The following ARHGAP15 variants were observed in gnomAD, a reference collection of about 807,000 sequenced individuals.
ARHGAP15 encodes rho GTPase-activating protein 15.
A neutral mutation model predicts 63.7 loss-of-function variants in ARHGAP15; 51 were observed. The ratio of observed to expected loss-of-function variants is 0.80; its 90% CI spans 0.64 to 1.01. The LOEUF (loss-of-function observed/expected upper bound fraction) is 1.01, where lower values mean the gene tolerates loss of function less well. ARHGAP15 is among the 50% of genes least tolerant of loss of function. The pLI, the probability that ARHGAP15 is intolerant of heterozygous loss-of-function variation, is 0.00. For missense variants in ARHGAP15, 560 were observed against 564.6 expected, an observed-to-expected ratio of 0.99 and a Z score of 0.08; for synonymous variants, 191 against 193.8, an observed-to-expected ratio of 0.99 and a Z score of 0.12.
At chr2:143,674,034 T>C (rs1682702909) in intron 12 of ARHGAP15, among the ~76,000 whole-genome samples, 1 of 151,878 alleles carries the variant, frequency 6.6e-6, no homozygotes, top group South Asian at 2.1e-4. Context: ...CTGGAACTCT[T>C]GTACATTGCT....
intron 6 of ARHGAP15, among the ~76,000 whole-genome samples, chr2:143,421,038 C>A (rs139679839): frequency 1.9e-3 from 296 of 152,338 alleles, no homozygotes; most frequent in African/African-American, 6.8e-3. Flanking sequence ...CCATCTCTGT[C>A]TCTGATAGTT....
intron 1 of ARHGAP15, among the ~76,000 whole-genome samples, chr2:143,135,938 T>C (rs1033580859): frequency 1.3e-5 from 2 of 152,188 alleles, no homozygotes; most frequent in African/African-American, 4.8e-5. Flanking sequence ...TCTTTTCTCT[T>C]AGCAGTAAAA....
At position 143,356,060 on chromosome 2, in the gene ARHGAP15, A is replaced by AAGAG. The variant is rs199746890; in HGVS notation, c.475-79529_475-79526dup. Among the ~76,000 whole-genome samples the AAGAG allele has an allele frequency of 2.0e-5, 3 of 151,750 alleles. 1 individual carries two copies. In the South Asian group the frequency reaches 6.2e-4, roughly 31 times the overall value. On this transcript the variant is annotated intron_variant, in intron 6 of 13. Transcript: ENST00000295095. ...TGCATCTTCATCTTATTAAAAAAAA[A>AAGAG]AGAGAGAGAGAGAGAAAGAAAGAAA...
intron 9 of ARHGAP15, among the ~76,000 whole-genome samples, chr2:143,515,038 A>T (rs1377112229): frequency 1.3e-5 from 2 of 152,158 alleles, no homozygotes; most frequent in Admixed American, 6.5e-5. Context: ...GAATGTATAC[A>T]TCTAATTCAG....
chr2:143,370,230 C>CA (rs1440617549), intron 6 of ARHGAP15, among the ~76,000 whole-genome samples: 4 of 151,826 alleles, frequency 2.6e-5, no homozygotes, highest in Admixed American at 1.3e-4. Flanking sequence ...TAACAAAACT[C>CA]AAAAAACAGT....
At chr2:143,454,257 C>A (rs1253645830) in intron 8 of ARHGAP15, among the ~76,000 whole-genome samples, 1 of 151,904 alleles carries the variant, frequency 6.6e-6, no homozygotes, top group Admixed American at 6.6e-5. Context: ...TTTTTCTACT[C>A]CATCTTTCAC....
At chr2:143,366,422 T>G (rs1686295015) in intron 6 of ARHGAP15, among the ~76,000 whole-genome samples, 1 of 152,060 alleles carries the variant, frequency 6.6e-6, no homozygotes, top group Admixed American at 6.6e-5. Context: ...GTTAACAAAT[T>G]TATATCAAAC....
intron 6 of ARHGAP15, among the ~76,000 whole-genome samples, chr2:143,385,432 T>C (rs998489350): frequency 5.9e-5 from 9 of 152,142 alleles, no homozygotes; most frequent in African/African-American, 1.7e-4. Flanking sequence ...GCTAAACTTA[T>C]AAGTGAAGGC....
At chr2:143,152,776 G>A (rs1689876780) in intron 1 of ARHGAP15, among the ~76,000 whole-genome samples, 1 of 151,952 alleles carries the variant, frequency 6.6e-6, no homozygotes, top group African/African-American at 2.4e-5. Context: ...AAGTACGTGG[G>A]AAGCAGAATA....
chr2:143,516,545 A>G (rs963148620), intron 9 of ARHGAP15, among the ~76,000 whole-genome samples: 4 of 152,124 alleles, frequency 2.6e-5, no homozygotes, highest in African/African-American at 9.7e-5. Flanking sequence ...TTAGCCCCCT[A>G]TAATATTACA....
At chr2:143,706,219 G>A (rs1291934425) in intron 13 of ARHGAP15, among the ~76,000 whole-genome samples, 6 of 152,126 alleles carry the variant, frequency 3.9e-5, no homozygotes, top group Admixed American at 6.6e-5. Context: ...ACAGCCAATC[G>A]TGGCGTGTCA....
chr2:143,753,588 T>C (rs1052460686), intron 13 of ARHGAP15, among the ~76,000 whole-genome samples: 3 of 152,198 alleles, frequency 2.0e-5, no homozygotes, highest in African/African-American at 7.2e-5. Flanking sequence ...TAAATTTATA[T>C]GTGTAAATGC....
chr2:143,747,255 G>GAA (rs1331918062), intron 13 of ARHGAP15, among the ~76,000 whole-genome samples: 1 of 149,964 alleles, frequency 6.7e-6, no homozygotes, highest in African/African-American at 2.5e-5. Flanking sequence ...TAAAAAAAAA[G>GAA]AAAAAAAAAG....
intron 12 of ARHGAP15, among the ~76,000 whole-genome samples, chr2:143,639,627 A>G (rs570687564): frequency 1.3e-5 from 2 of 152,120 alleles, no homozygotes; most frequent in East Asian, 3.9e-4. Flanking sequence ...CCTTATTACA[A>G]TCCCCGGCAA....
At chr2:143,364,180 A>T (rs1686190140) in intron 6 of ARHGAP15, among the ~76,000 whole-genome samples, 1 of 151,268 alleles carries the variant, frequency 6.6e-6, no homozygotes, top group Admixed American at 6.6e-5. Flanking sequence ...AGGAAACAGT[A>T]GCAAAAAAAC....
At chr2:143,708,724 T>TC (rs1390203503) in intron 13 of ARHGAP15, among the ~76,000 whole-genome samples, 2 of 152,140 alleles carry the variant, frequency 1.3e-5, no homozygotes, top group Non-Finnish European at 2.9e-5. Context: ...CACAGGTCTC[T>TC]CTATGCCTCT....
At chr2:143,673,980 TAA>T (rs1299777664) in intron 12 of ARHGAP15, among the ~76,000 whole-genome samples, 1 of 151,234 alleles carries the variant, frequency 6.6e-6, no homozygotes, top group African/African-American at 2.4e-5. Context: ...AGGCTAAAAT[TAA>T]AAAGACTATT....
chr2:143,272,783 C>G (rs572983668), intron 6 of ARHGAP15, among the ~76,000 whole-genome samples: 1 of 152,186 alleles, frequency 6.6e-6, no homozygotes, highest in South Asian at 2.1e-4. Flanking sequence ...TTCAGTACTA[C>G]TAAGGCCTGA....
intron 4 of ARHGAP15, among the ~76,000 whole-genome samples, chr2:143,222,424 C>T (rs549685894): frequency 6.6e-6 from 1 of 152,234 alleles, no homozygotes; most frequent in African/African-American, 2.4e-5. Context: ...TCTGTCATTA[C>T]CTAAAGAAGG....
Sources: gnomAD v4.1 joint callset for allele counts (sites outside exome capture counted in the v4.1 genomes callset) on GRCh38, gnomAD v4.1.1 for gene constraint, MANE v1.5 for transcripts, NCBI Gene and HGNC (gene_info 2026-07-23, HGNC 2026-07-21) for gene names.